CSMD1: variants seen among roughly 807,000 people sequenced by gnomAD.
The protein encoded by CSMD1 is CUB and Sushi multiple domains 1, also known as CUB and sushi domain-containing protein 1.
In CSMD1, 213 loss-of-function variants were observed where a neutral mutation model predicts 417.5. That is an observed-to-expected ratio of 0.51 (90% CI 0.46 to 0.57). The LOEUF (loss-of-function observed/expected upper bound fraction) is 0.57, where lower values mean the gene tolerates loss of function less well. Among genes scored for constraint, CSMD1 ranks in the 20% least tolerant of loss-of-function variants. The pLI is 0.00. For missense variants in CSMD1, 6,923 were observed against 4,529.7 expected, an observed-to-expected ratio of 1.53 and a Z score of -15.17; for synonymous variants, 2,862 against 1,736.8, an observed-to-expected ratio of 1.65 and a Z score of -16.11.
intron 5 of CSMD1, among the ~76,000 whole-genome samples, chr8:3,821,902 C>T (rs1801758037): frequency 6.6e-6 from 1 of 152,160 alleles, no homozygotes. Context: ...ACTGTGCTTC[C>T]AGAAGCTGGA....
Position 3,514,407 on chromosome 8 carries a change from T to A in CSMD1, c.1345-20681A>T, listed in dbSNP as rs971317406. ...TACAACATGCAATCTCTTGGAATGA[T>A]TACATAATGTCTTGCAAATGTGGTG... is the stretch of plus-strand genomic sequence containing the variant. On this transcript the variant is annotated intron_variant, in intron 10 of 69. Transcript: ENST00000635120. 3.3e-5 allele frequency among the ~76,000 whole-genome samples: 5 copies of A among 152,172 alleles called. No individual in the cohort carries two copies. In the South Asian group the frequency reaches 6.2e-4, roughly 19 times the overall value.
Position 3,409,607 on chromosome 8 carries a change from T to C in CSMD1, c.1562-2A>G. 6.4e-7 allele frequency: 1 copy of C among 1,574,614 alleles called. No homozygotes were observed. The highest frequency in any genetic ancestry group is 8.6e-7 in the Non-Finnish European group (1 of 1,156,438). The stretch of plus-strand genomic sequence containing the variant: ...CCCCACACCCTCCCTTTTCAATTTC[T>C]GAAAATGGAAAAACAAATGAACCCT... On this transcript the variant is annotated splice_acceptor_variant, in intron 12 of 69. Transcript: ENST00000635120. LOFTEE classifies it high-confidence loss of function.
intron 26 of CSMD1, among the ~76,000 whole-genome samples, chr8:3,256,086 G>T (rs958568580): frequency 6.6e-6 from 1 of 151,008 alleles, no homozygotes; most frequent in Non-Finnish European, 1.5e-5. Flanking sequence ...CCAGGACTTT[G>T]GGGGGCTGAG....
chr8:4,445,372 G>A (rs1340948101), intron 2 of CSMD1, among the ~76,000 whole-genome samples: 2 of 152,012 alleles, frequency 1.3e-5, no homozygotes, highest in Admixed American at 6.5e-5. Context: ...TATCTCATTT[G>A]AGGAGCTCAA....
chr8:4,052,771 C>G (rs1798498638), intron 3 of CSMD1, among the ~76,000 whole-genome samples: 1 of 152,104 alleles, frequency 6.6e-6, no homozygotes, highest in Non-Finnish European at 1.5e-5. Flanking sequence ...AATGGGATAT[C>G]TGAGGACACA....
At chr8:4,387,333 T>G (rs2128921993) in intron 3 of CSMD1, among the ~76,000 whole-genome samples, 1 of 152,058 alleles carries the variant, frequency 6.6e-6, no homozygotes, top group East Asian at 1.9e-4. Flanking sequence ...TTACCGTAAG[T>G]GACAAATGAG....
chr8:3,915,651 G>A (rs1428068989), intron 5 of CSMD1, among the ~76,000 whole-genome samples: 1 of 151,218 alleles, frequency 6.6e-6, no homozygotes, highest in East Asian at 1.9e-4. Context: ...AACAGAACCT[G>A]TGTACTTCAT....
At chr8:4,231,251 G>T (rs1255620970) in intron 3 of CSMD1, among the ~76,000 whole-genome samples, 1 of 152,176 alleles carries the variant, frequency 6.6e-6, no homozygotes, top group East Asian at 1.9e-4. Context: ...CGCCATCATG[G>T]AAGGAAGCCA....
chr8:4,141,863 T>C lies in CSMD1; in HGVS notation c.416-109764A>G, dbSNP rs986200878. Among the ~76,000 whole-genome samples, 22 of 151,066 alleles carry C rather than the reference T, an allele frequency of 1.5e-4. 3 individuals carry two copies. The highest frequency in any genetic ancestry group is 4.5e-4 in the African/African-American group (18 of 40,408). Reference sequence around the variant, plus strand: ...CGTGACTAACAGTACCATTTAGATATTGAGAGTACCAATCCTACAAGGAGG... The same window carrying C: ...CGTGACTAACAGTACCATTTAGATACTGAGAGTACCAATCCTACAAGGAGG... On this transcript the variant is annotated intron_variant, in intron 3 of 69. Transcript: ENST00000635120.
At chr8:4,305,905 A>G (rs1425618605) in intron 3 of CSMD1, among the ~76,000 whole-genome samples, 3 of 152,150 alleles carry the variant, frequency 2.0e-5, no homozygotes, top group Non-Finnish European at 4.4e-5. Context: ...CAAGCATCAG[A>G]ATGTTTACCA....
intron 25 of CSMD1, among the ~76,000 whole-genome samples, chr8:3,292,376 T>C (rs1803644036): frequency 6.6e-6 from 1 of 152,136 alleles, no homozygotes; most frequent in African/African-American, 2.4e-5. Flanking sequence ...AATTCCTGGG[T>C]ATCCTTGTTA....
chr8:3,649,332 G>A (rs563044270), intron 7 of CSMD1, among the ~76,000 whole-genome samples: 1 of 152,156 alleles, frequency 6.6e-6, no homozygotes, highest in Non-Finnish European at 1.5e-5. Flanking sequence ...GCATTAAATT[G>A]ACTGTTAGAA....
chr8:4,425,209 A>G (rs979903823), intron 2 of CSMD1, among the ~76,000 whole-genome samples: 12 of 152,196 alleles, frequency 7.9e-5, no homozygotes, highest in Non-Finnish European at 1.6e-4. Flanking sequence ...GTCAAATGAT[A>G]TTAGTTCAGG....
chr8:3,958,935 T>G (rs763802163), intron 5 of CSMD1, among the ~76,000 whole-genome samples: 8 of 152,202 alleles, frequency 5.3e-5, no homozygotes, highest in Non-Finnish European at 7.3e-5. Flanking sequence ...GCAACTCACA[T>G]TTTTTGAGCC....
intron 5 of CSMD1, among the ~76,000 whole-genome samples, chr8:3,819,191 A>C: frequency 6.6e-6 from 1 of 152,212 alleles, no homozygotes; most frequent in African/African-American, 2.4e-5. Flanking sequence ...GTGAAACTCA[A>C]TGTCTCCCAG....
intron 3 of CSMD1, among the ~76,000 whole-genome samples, chr8:4,057,391 T>C (rs1367219435): frequency 6.6e-6 from 1 of 152,168 alleles, no homozygotes; most frequent in African/African-American, 2.4e-5. Flanking sequence ...TTTGTTTTTT[T>C]CTTGTAAATT....
intron 1 of CSMD1, among the ~76,000 whole-genome samples, chr8:4,781,677 T>G (rs1339891787): frequency 6.6e-6 from 1 of 152,176 alleles, no homozygotes; most frequent in Non-Finnish European, 1.5e-5. Context: ...ATGGTATCGG[T>G]CATGAAGAAG....
chr8:3,102,244 A>C (rs976089485), intron 46 of CSMD1, among the ~76,000 whole-genome samples: 3 of 152,208 alleles, frequency 2.0e-5, no homozygotes, highest in African/African-American at 7.2e-5. Flanking sequence ...GATGATAATT[A>C]AGTGATTCAG....
chr8:4,598,513 T>C (rs1217191406), intron 2 of CSMD1, among the ~76,000 whole-genome samples: 1 of 152,166 alleles, frequency 6.6e-6, no homozygotes, highest in African/African-American at 2.4e-5. Flanking sequence ...CAGCTACAGG[T>C]GTGGCTGCTT....
Sources: allele counts gnomAD v4.1 joint callset (sites outside exome capture counted in the v4.1 genomes callset), GRCh38; gene constraint gnomAD v4.1.1; transcripts MANE v1.5; gene names NCBI Gene and HGNC (gene_info 2026-07-23, HGNC 2026-07-21).